The following VPS8 variants were observed in gnomAD, a reference collection of about 807,000 sequenced individuals.
VPS8 encodes the protein VPS8 subunit of CORVET complex.
VPS8 carries 129 observed loss-of-function variants against 216.4 expected under a neutral mutation model. The ratio of observed to expected loss-of-function variants is 0.60; its 90% CI spans 0.52 to 0.69. The LOEUF is 0.69. VPS8 is among the 30% of genes least tolerant of loss of function. The pLI, the probability that VPS8 is intolerant of heterozygous loss-of-function variation, is 0.00. For synonymous variants in VPS8, 571 were observed against 565.4 expected, an observed-to-expected ratio of 1.01 and a Z score of -0.14; for missense variants, 1,531 against 1,683.5, an observed-to-expected ratio of 0.91 and a Z score of 1.59.
chr3:184,964,334 T>C (rs1342477172), intron 37 of VPS8, 134 bp from the exon 38 acceptor site: 2 of 446,012 alleles, frequency 4.5e-6, no homozygotes, highest in Non-Finnish European at 3.8e-6. Flanking sequence ...TATTTGCATA[T>C]TGTACTGTAA....
At chr3:184,925,028 C>T (rs562039953) in intron 30 of VPS8, 47 bp downstream of exon 30, 31 of 1,568,288 alleles carry the variant, frequency 2.0e-5, no homozygotes, top group Admixed American at 1.9e-4. Flanking sequence ...CTGTTTACTG[C>T]GCACAGTTCC....
intron 16 of VPS8, among the ~76,000 whole-genome samples, chr3:184,864,813 C>T (rs773880323): frequency 1.3e-5 from 2 of 152,042 alleles, no homozygotes; most frequent in Non-Finnish European, 2.9e-5. Context: ...GTCTCCCATC[C>T]AATTAGAGAT....
intron 25 of VPS8, among the ~76,000 whole-genome samples, chr3:184,910,939 TA>T (rs1301382234): frequency 6.6e-6 from 1 of 152,226 alleles, no homozygotes; most frequent in East Asian, 1.9e-4. Context: ...TATAATTTTT[TA>T]CTGTAAGGGT....
intron 21 of VPS8, among the ~76,000 whole-genome samples, chr3:184,883,636 T>C (rs1374805700): frequency 6.6e-6 from 1 of 152,168 alleles, no homozygotes. Context: ...TTTTTTTTCT[T>C]TGATGACTGT....
intron 21 of VPS8, chr3:184,882,543 AG>A (rs1730458588): frequency 3.1e-6 from 1 of 319,314 alleles, no homozygotes; most frequent in Admixed American, 4.2e-5. Context: ...ATGGCTTTTC[AG>A]GTTTTTGTAT....
At chr3:184,875,701 C>T (rs1358596628) in intron 21 of VPS8, among the ~76,000 whole-genome samples, 1 of 151,738 alleles carries the variant, frequency 6.6e-6, no homozygotes, top group Non-Finnish European at 1.5e-5. Flanking sequence ...CAAGAGCTGT[C>T]TCTGGCCAGG....
chr3:184,825,900 CAA>C (rs933953308), intron 2 of VPS8, among the ~76,000 whole-genome samples: 14 of 97,486 alleles, frequency 1.4e-4, no homozygotes, highest in Non-Finnish European at 1.1e-4. Context: ...GACTCTGTCT[CAA>C]AAAAAAAAAA....
At chr3:184,964,357 A>C in intron 37 of VPS8, 111 bp from the exon 38 acceptor site, 1 of 546,206 alleles carries the variant, frequency 1.8e-6, no homozygotes, top group Non-Finnish European at 2.9e-6. Flanking sequence ...TATCATACTA[A>C]TAAGGTATAA....
intron 46 of VPS8, among the ~76,000 whole-genome samples, chr3:185,034,781 A>G (rs761281872): frequency 7.9e-5 from 12 of 152,088 alleles, no homozygotes; most frequent in Admixed American, 2.0e-4. Flanking sequence ...GCAAAAAAAT[A>G]TTTGCCAAGG....
intron 4 of VPS8, among the ~76,000 whole-genome samples, chr3:184,833,831 C>A (rs1400140191): frequency 1.3e-5 from 2 of 152,150 alleles, no homozygotes; most frequent in African/African-American, 2.4e-5. Flanking sequence ...CCCTAATGCC[C>A]CCCAAATAAA....
intron 7 of VPS8, among the ~76,000 whole-genome samples, chr3:184,842,457 G>A (rs1425706604): frequency 6.6e-6 from 1 of 151,366 alleles, no homozygotes; most frequent in African/African-American, 2.4e-5. Flanking sequence ...TGAACATTTT[G>A]AGAAAGAATC....
At chr3:184,956,313 C>T (rs1282602114) in intron 36 of VPS8, among the ~76,000 whole-genome samples, 1 of 152,214 alleles carries the variant, frequency 6.6e-6, no homozygotes, top group East Asian at 1.9e-4. Context: ...CAGACTGTCT[C>T]AGCTCTTGGG....
intron 35 of VPS8, 106 bp from the exon 36 acceptor site, chr3:184,940,091 C>G: frequency 2.4e-6 from 1 of 415,830 alleles, no homozygotes; most frequent in Non-Finnish European, 4.1e-6. Context: ...TGGAAATACT[C>G]AGATATCTGT....
chr3:184,900,784 T>G (rs1734341084), intron 24 of VPS8, 137 bp from the exon 25 acceptor site: 2 of 719,348 alleles, frequency 2.8e-6, no homozygotes, highest in South Asian at 2.1e-5. Context: ...ATGTACAGAT[T>G]AAAGGTTTTC....
chr3:184,841,404 ATC>A (rs2108600240), intron 7 of VPS8, among the ~76,000 whole-genome samples: 1 of 152,276 alleles, frequency 6.6e-6, no homozygotes, highest in South Asian at 2.1e-4. Context: ...TGTCTGTAAC[ATC>A]ATTTTTAATG....
intron 14 of VPS8, among the ~76,000 whole-genome samples, chr3:184,856,762 G>A (rs1725336885): frequency 6.6e-6 from 1 of 152,080 alleles, no homozygotes; most frequent in Non-Finnish European, 1.5e-5. Context: ...ATATACTGTT[G>A]CCTCTGCCAG....
rs1397946483 is a variant in VPS8, at chr3:184,971,667, C to G, written c.3335C>G (p.Ser1112Ter). 6.2e-7 allele frequency: 1 copy of G among 1,612,696 alleles called. No homozygotes were observed. Among genetic ancestry groups the G allele is most frequent in the African/African-American group, 1.3e-5 (1 of 74,914 alleles). The change falls in exon 40 of 48, where the codon TCA becomes TGA. Residue 1112 changes from serine to a stop codon, truncating the protein, a stop_gained. Coordinates refer to ENST00000625842, the MANE Select transcript of VPS8 (RefSeq NM_001009921.3). LOFTEE classifies it high-confidence loss of function. ...HQGENTKEDP[S>*]LKDVEDTMVE... Reference sequence around the variant, plus strand: ...AATCTAGATACCAAAGAGGATCCCTCATTGAAGGATGTTGAAGATACTATG... The same window carrying G: ...AATCTAGATACCAAAGAGGATCCCTGATTGAAGGATGTTGAAGATACTATG...
At chr3:184,899,467 C>T (rs1734092637) in intron 24 of VPS8, among the ~76,000 whole-genome samples, 1 of 152,130 alleles carries the variant, frequency 6.6e-6, no homozygotes, top group Admixed American at 6.5e-5. Context: ...GGGCGAGTAC[C>T]CCTCTAATTC....
chr3:184,940,270 TTATATATA>T, intron 36 of VPS8, 27 bp downstream of exon 36: 2 of 578,722 alleles, frequency 3.5e-6, no homozygotes, highest in Non-Finnish European at 5.3e-6. Context: ...TAGTCTTTCA[TTATATATA>T]TATATATATA....
Sources: gnomAD v4.1 joint callset for allele counts (sites outside exome capture counted in the v4.1 genomes callset) on GRCh38, gnomAD v4.1.1 for gene constraint, MANE v1.5 for transcripts, NCBI Gene and HGNC (gene_info 2026-07-23, HGNC 2026-07-21) for gene names.